ST6GALNAC2: variants seen among roughly 807,000 people sequenced by gnomAD.
ST6GALNAC2 encodes the protein alpha-N-acetylgalactosaminide alpha-2,6-sialyltransferase 2.
A neutral mutation model predicts 38.7 loss-of-function variants in ST6GALNAC2; 42 were observed. The observed-to-expected ratio is 1.09, with a 90% CI of 0.85 to 1.40. The LOEUF is 1.40. ST6GALNAC2 is among the 40% of genes most tolerant of loss of function. The pLI is 0.00. For missense variants in ST6GALNAC2, 506 were observed against 481.7 expected, an observed-to-expected ratio of 1.05 and a Z score of -0.47; for synonymous variants, 233 against 209.0, an observed-to-expected ratio of 1.11 and a Z score of -0.99.
intron 2 of ST6GALNAC2, among the ~76,000 whole-genome samples, chr17:76,577,103 G>A (rs1214681252): frequency 1.0e-5 from 1 of 97,868 alleles, no homozygotes; most frequent in Admixed American, 1.2e-4. Flanking sequence ...TTTCGCTCTT[G>A]TTGCCCAGGC....
intron 5 of ST6GALNAC2, 111 bp downstream of exon 5, chr17:76,572,526 C>T (rs1220421471): frequency 2.3e-6 from 3 of 1,313,454 alleles, no homozygotes; most frequent in Non-Finnish European, 3.2e-6. Flanking sequence ...CCTGGCACCC[C>T]CTCAGCATCC....
intron 5 of ST6GALNAC2, among the ~76,000 whole-genome samples, chr17:76,572,385 G>A (rs1356573884): frequency 6.6e-6 from 1 of 152,214 alleles, no homozygotes; most frequent in Non-Finnish European, 1.5e-5. Flanking sequence ...TGCCTGGCAA[G>A]TCACAAGCGT....
At chr17:76,579,537 G>C (rs2075452906) in intron 1 of ST6GALNAC2, among the ~76,000 whole-genome samples, 1 of 152,232 alleles carries the variant, frequency 6.6e-6, no homozygotes, top group South Asian at 2.1e-4. Context: ...TCCTGGTTAA[G>C]GTTATGGCTC....
chr17:76,569,476 G>A (rs2075327594), intron 6 of ST6GALNAC2: 1 of 364,304 alleles, frequency 2.7e-6, no homozygotes, highest in African/African-American at 2.3e-5. Flanking sequence ...CCGGGAAGAG[G>A]GCTGTGAGGC....
chr17:76,567,652 G>A lies in ST6GALNAC2; in HGVS notation c.858-100C>T, dbSNP rs536659332. On this transcript the variant is annotated intron_variant, in intron 7 of 8. Transcript: ENST00000225276. ...AGGTGGGAAAACTTCAAAAACTGAG[G>A]GCCTTCTACTCCAGTCAGTTCTTTA... 71 of 755,086 alleles carry A rather than the reference G, an allele frequency of 9.4e-5. No individual in the cohort carries two copies. In the African/African-American group the frequency reaches 1.2e-3, roughly 13 times the overall value. The allele number at this position is 755,086 out of a possible 1,614,324, so 46.8% of individuals were successfully genotyped here.
At chr17:76,585,661 G>A (rs2075536745) in intron 1 of ST6GALNAC2, 23 bp downstream of exon 1, 5 of 1,512,630 alleles carry the variant, frequency 3.3e-6, no homozygotes, top group Non-Finnish European at 4.4e-6. Flanking sequence ...GCGCCCTCCC[G>A]CTCTGCGCTC....
At position 76,585,813 on chromosome 17, in the gene ST6GALNAC2, C is replaced by T; in HGVS notation, c.-5G>A. ...CGACCCGCGCGGGAGCCCCATACAG[C>T]CCCGGCCCGCGAGCGCCCCGTCCGC... On this transcript the variant is annotated 5_prime_UTR_variant, in exon 1 of 9. Coordinates refer to ENST00000225276, the MANE Select transcript of ST6GALNAC2 (RefSeq NM_006456.3). The T allele has an allele frequency of 6.5e-7, 1 of 1,536,704 alleles. No homozygotes were observed.
chr17:76,566,722 G>A (rs2075288223), intron 8 of ST6GALNAC2, among the ~76,000 whole-genome samples: 1 of 149,706 alleles, frequency 6.7e-6, no homozygotes, highest in African/African-American at 2.4e-5. Context: ...AAAGAGCTGG[G>A]CGTGGCAGTA....
chr17:76,570,746 A>G (rs949078356), intron 5 of ST6GALNAC2, 78 bp from the exon 6 acceptor site: 3 of 1,129,580 alleles, frequency 2.7e-6, no homozygotes, highest in African/African-American at 3.0e-5. Context: ...CCTCCACCCA[A>G]CCTTGCCCCC....
rs1039694248 is a variant in ST6GALNAC2, at chr17:76,574,658, A to G, written c.187-119T>C. 4 of 762,998 alleles carry G rather than the reference A, an allele frequency of 5.2e-6. No individual in the cohort carries two copies. The Admixed American group carries it at 1.3e-4, about 25-fold the overall frequency. The allele number at this position is 762,998 out of a possible 1,614,324, so 47.3% of individuals were successfully genotyped here. On this transcript the variant is annotated intron_variant, in intron 2 of 8. Transcript: ENST00000225276. ...GGAAGGCCTGCCCTGTCCCCTCCAG[A>G]TTGGGGCCATCCTTGCATTTTTTTT... is the stretch of plus-strand genomic sequence containing the variant.
In ST6GALNAC2 at chr17:76,573,235, G is replaced by T. The variant is rs141454499; in HGVS notation, c.490C>A (p.Arg164Ser). ...VGNGGILNGSRQGPNIDAHDY... is the reference protein window; with the variant it reads ...VGNGGILNGSSQGPNIDAHDY... Reference sequence around the variant, plus strand: ...TGGGCATCGATGTTGGGACCCTGGCGGGACCCATTCAGAATGCCTCCGTTG... The same window carrying T: ...TGGGCATCGATGTTGGGACCCTGGCTGGACCCATTCAGAATGCCTCCGTTG... Residue 164 changes from arginine to serine, a missense_variant, in exon 4 of 9, where the codon CGC becomes AGC. By Grantham distance (110) the Arg-to-Ser change is moderately radical. Transcript: ENST00000225276. The surrounding 1 kb of genome is among the most constrained non-coding windows in gnomAD (Gnocchi z 5.1). 9.6e-4 allele frequency: 1,542 copies of T among 1,613,498 alleles called. 11 individuals are homozygous for T. The African/African-American group carries it at 0.016, about 16-fold the overall frequency.
intron 5 of ST6GALNAC2, 93 bp from the exon 6 acceptor site, chr17:76,570,761 C>T: frequency 2.1e-6 from 2 of 944,242 alleles, no homozygotes; most frequent in Admixed American, 2.0e-5. Flanking sequence ...GCCCCCTGAG[C>T]CGACTGGAGA....
At chr17:76,569,933 G>A (rs1052193607) in intron 6 of ST6GALNAC2, 43 of 212,250 alleles carry the variant, frequency 2.0e-4, no homozygotes, top group Non-Finnish European at 3.7e-4. Context: ...CCTGATCTCA[G>A]GGACAAGAAA....
chr17:76,576,059 A>G (rs921214704), intron 2 of ST6GALNAC2, among the ~76,000 whole-genome samples: 2 of 152,108 alleles, frequency 1.3e-5, no homozygotes, highest in African/African-American at 4.8e-5. Context: ...AGCTTGGTCA[A>G]CATAACAAGA....
intron 5 of ST6GALNAC2, chr17:76,570,977 A>G: frequency 3.9e-6 from 1 of 259,488 alleles, no homozygotes; most frequent in Non-Finnish European, 7.5e-6. Context: ...CATAAAAGGC[A>G]CTGTGGCTTC....
chr17:76,570,617 T>C lies in ST6GALNAC2; in HGVS notation c.721A>G (p.Arg241Gly). The change falls in exon 6 of 9, where the codon AGA becomes GGA. Residue 241 changes from arginine to glycine, a missense_variant. Transcript: ENST00000225276. Reference sequence around the variant, plus strand: ...ACAGGCACGCCCAGAATGGCCGATCTCAGCATCACATAGTCGCGGATGTCT... The same window carrying C: ...ACAGGCACGCCCAGAATGGCCGATCCCAGCATCACATAGTCGCGGATGTCT... ...PSDIRDYVML[R>G]SAILGVPVPE... 1 of 1,613,428 alleles carries C rather than the reference T, an allele frequency of 6.2e-7. No homozygotes were observed. The highest frequency in any genetic ancestry group is 8.5e-7 in the Non-Finnish European group (1 of 1,179,842).
chr17:76,566,554 C>T (rs1230524104), intron 8 of ST6GALNAC2, among the ~76,000 whole-genome samples: 3 of 152,128 alleles, frequency 2.0e-5, no homozygotes, highest in Admixed American at 1.3e-4. Flanking sequence ...AGTCAAGACA[C>T]TCCTGCATCA....
At chr17:76,566,393 C>T (rs1489665268) in intron 8 of ST6GALNAC2, 122 bp from the exon 9 acceptor site, 4 of 1,009,678 alleles carry the variant, frequency 4.0e-6, no homozygotes, top group Non-Finnish European at 5.9e-6. Flanking sequence ...TGGTCTAGGG[C>T]TTATTCCCAC....
chr17:76,580,192 G>A (rs947186305), intron 1 of ST6GALNAC2, among the ~76,000 whole-genome samples: 14 of 152,176 alleles, frequency 9.2e-5, no homozygotes, highest in Non-Finnish European at 1.3e-4. Flanking sequence ...AGACCGAGGT[G>A]GGTGGATCAC....
Sources: gnomAD v4.1 joint callset for allele counts (sites outside exome capture counted in the v4.1 genomes callset) on GRCh38, gnomAD v4.1.1 for gene constraint, Gnocchi (gnomAD v3.1) non-coding constraint, MANE v1.5 for transcripts, NCBI Gene and HGNC (gene_info 2026-07-23, HGNC 2026-07-21) for gene names.